CHRM3: variants seen among roughly 807,000 people sequenced by gnomAD.
CHRM3 encodes the protein muscarinic acetylcholine receptor M3.
CHRM3 carries 11 observed loss-of-function variants against 41.8 expected under a neutral mutation model. That is an observed-to-expected ratio of 0.26 (90% CI 0.17 to 0.44). CHRM3 has a LOEUF of 0.44. Ranked by LOEUF, CHRM3 falls within the 20% of genes least tolerant of loss-of-function variation. The pLI is 1.00. For missense variants in CHRM3, 571 were observed against 745.4 expected (o/e 0.77, Z 2.72); for synonymous variants, 297 against 301.4 (o/e 0.99, Z 0.15).
intron 1 of CHRM3, among the ~76,000 whole-genome samples, chr1:239,486,615 G>GAA (rs1667199260): frequency 6.6e-6 from 1 of 152,208 alleles, no homozygotes; most frequent in Non-Finnish European, 1.5e-5. Flanking sequence ...GTTGTAATGT[G>GAA]AAAGTAGCCA....
intron 2 of CHRM3, among the ~76,000 whole-genome samples, chr1:239,522,962 C>G (rs879644807): frequency 1.1e-4 from 16 of 152,078 alleles, no homozygotes; most frequent in Non-Finnish European, 2.2e-4. Flanking sequence ...CAGGGAGACT[C>G]TGCTGAGACA....
At chr1:239,812,825 C>T (rs1671220701) in intron 5 of CHRM3, among the ~76,000 whole-genome samples, 2 of 152,330 alleles carry the variant, frequency 1.3e-5, no homozygotes, top group African/African-American at 4.8e-5. Flanking sequence ...AGGCACAAGG[C>T]TCAGAGGGGT....
chr1:239,566,419 A>C, intron 3 of CHRM3, among the ~76,000 whole-genome samples: 1 of 152,246 alleles, frequency 6.6e-6, no homozygotes, highest in East Asian at 1.9e-4. Flanking sequence ...GCAAAGGCAT[A>C]TTAGTTCCTT....
At chr1:239,637,516 T>C (rs1670587525) in intron 4 of CHRM3, among the ~76,000 whole-genome samples, 1 of 83,024 alleles carries the variant, frequency 1.2e-5, no homozygotes, top group South Asian at 3.9e-4. Context: ...TTCATCAAAG[T>C]CTTTTTTTTT....
Position 239,503,699 on chromosome 1 carries a change from T to C in CHRM3, c.-422+10892T>C, listed in dbSNP as rs569814229. On this transcript the variant is annotated intron_variant, in intron 2 of 6. Transcript: ENST00000676153. ...GGCCATAGTCAACAAAACAGCATCG[T>C]ACTGGTATAAAAATAGGCACATAGA... Among the ~76,000 whole-genome samples the C allele has an allele frequency of 6.6e-5, 10 of 152,272 alleles. No individual in the cohort carries two copies. The South Asian group carries it at 1.7e-3, about 25-fold the overall frequency.
chr1:239,575,578 G>C (rs548207478), intron 3 of CHRM3, among the ~76,000 whole-genome samples: 3 of 151,780 alleles, frequency 2.0e-5, no homozygotes, highest in African/African-American at 7.3e-5. Flanking sequence ...GCTAAAATAC[G>C]ACTCCATTCT....
intron 2 of CHRM3, among the ~76,000 whole-genome samples, chr1:239,515,856 G>T (rs1669231301): frequency 6.6e-6 from 1 of 152,134 alleles, no homozygotes; most frequent in South Asian, 2.1e-4. Flanking sequence ...TATATTTTAT[G>T]TTTATTAAGA....
intron 4 of CHRM3, among the ~76,000 whole-genome samples, chr1:239,672,609 C>A: frequency 6.6e-6 from 1 of 151,372 alleles, no homozygotes; most frequent in South Asian, 2.1e-4. Flanking sequence ...TACACACACA[C>A]ACACACACAC....
rs1391709249 is a variant in CHRM3 at position 239,895,471 on chromosome 1, G to A, written c.-19-11962G>A. 2.0e-5 allele frequency among the ~76,000 whole-genome samples: 3 copies of A among 152,132 alleles called. 1 individual carries two copies. Among genetic ancestry groups the A allele is most frequent in the Admixed American group, 2.0e-4 (3 of 15,270 alleles). ...TCTGTTACTGGTTCTCCCATCCAAA[G>A]GGTAACTATTACAAATTGTTCTACC... On this transcript the variant is annotated intron_variant, in intron 6 of 6. Transcript: ENST00000676153.
intron 3 of CHRM3, among the ~76,000 whole-genome samples, chr1:239,608,917 T>C (rs1002492397): frequency 6.6e-6 from 1 of 152,210 alleles, no homozygotes; most frequent in African/African-American, 2.4e-5. Flanking sequence ...CATTGCAGGT[T>C]TTTGAAAATA....
At chr1:239,688,077 T>G (rs1234698354) in intron 5 of CHRM3, among the ~76,000 whole-genome samples, 2 of 151,862 alleles carry the variant, frequency 1.3e-5, no homozygotes, top group Non-Finnish European at 1.5e-5. Flanking sequence ...GTTGCCAGCC[T>G]GAAAAAAATT....
intron 3 of CHRM3, among the ~76,000 whole-genome samples, chr1:239,618,631 T>G (rs960422747): frequency 6.6e-6 from 1 of 151,502 alleles, no homozygotes; most frequent in South Asian, 2.1e-4. Context: ...GATCACGAGG[T>G]CAGGAGATCG....
intron 6 of CHRM3, among the ~76,000 whole-genome samples, chr1:239,843,491 T>C (rs908585137): frequency 1.8e-4 from 27 of 146,158 alleles, no homozygotes; most frequent in African/African-American, 5.0e-4. Flanking sequence ...TTAGGACTTA[T>C]CATTTGCTTT....
chr1:239,663,543 T>C (rs1673476478), intron 4 of CHRM3, among the ~76,000 whole-genome samples: 1 of 152,182 alleles, frequency 6.6e-6, no homozygotes, highest in Non-Finnish European at 1.5e-5. Flanking sequence ...ATTTGTAGTG[T>C]ACTGCCCACT....
chr1:239,396,693 G>T (rs868238611), intron 1 of CHRM3, among the ~76,000 whole-genome samples: 18 of 152,124 alleles, frequency 1.2e-4, no homozygotes, highest in African/African-American at 4.1e-4. Flanking sequence ...AAACATTATG[G>T]AAATATATAT....
intron 5 of CHRM3, among the ~76,000 whole-genome samples, chr1:239,798,307 A>T (rs956384356): frequency 4.6e-5 from 7 of 152,004 alleles, no homozygotes; most frequent in Non-Finnish European, 1.0e-4. Context: ...GTTTTGGGGG[A>T]GTCAAAAGTT....
At chr1:239,654,462 G>A (rs1168789823) in intron 4 of CHRM3, among the ~76,000 whole-genome samples, 7 of 152,150 alleles carry the variant, frequency 4.6e-5, no homozygotes, top group South Asian at 4.1e-4. Context: ...GCAGCAGTGC[G>A]ATCTCAGCTC....
At chr1:239,526,786 C>T (rs562166395) in intron 2 of CHRM3, among the ~76,000 whole-genome samples, 20 of 152,194 alleles carry the variant, frequency 1.3e-4, no homozygotes, top group Non-Finnish European at 1.3e-4. Context: ...TTAATAATGA[C>T]GAGAATAATT....
chr1:239,592,965 A>G (rs1286601432), intron 3 of CHRM3, among the ~76,000 whole-genome samples: 1 of 151,980 alleles, frequency 6.6e-6, no homozygotes, highest in Admixed American at 6.6e-5. Flanking sequence ...TGTAGGCTCC[A>G]TCACCTACCC....
Sources: allele counts gnomAD v4.1 joint callset (sites outside exome capture counted in the v4.1 genomes callset), GRCh38; gene constraint gnomAD v4.1.1; transcripts MANE v1.5; gene names NCBI Gene and HGNC (gene_info 2026-07-23, HGNC 2026-07-21).